The following ITIH6 variants were observed in gnomAD, a reference collection of about 807,000 sequenced individuals.
ITIH6 encodes inter-alpha-trypsin inhibitor heavy chain family member 6, also known as inter-alpha-trypsin inhibitor heavy chain H6.
ITIH6 carries 60 observed loss-of-function variants against 58.2 expected under a neutral mutation model. The ratio of observed to expected loss-of-function variants is 1.03; its 90% CI spans 0.84 to 1.28. The LOEUF (loss-of-function observed/expected upper bound fraction) is 1.28, where lower values mean the gene tolerates loss of function less well. Ranked by LOEUF, ITIH6 falls within the 50% of genes most tolerant of loss-of-function variation. The pLI, the probability that ITIH6 is intolerant of heterozygous loss-of-function variation, is 0.00. For synonymous variants in ITIH6, 493 were observed against 417.4 expected (o/e 1.18, Z -2.21); for missense variants, 1,290 against 1,021.1 (o/e 1.26, Z -3.59).
At chrX:54,754,658 C>T (rs1928450045) in intron 9 of ITIH6, among the ~76,000 whole-genome samples, 1 of 111,317 alleles carries the variant, frequency 9.0e-6, no homozygotes, top group Non-Finnish European at 1.9e-5. Context: ...AGCGATCCTC[C>T]AGCCAACAGC....
intron 4 of ITIH6, 83 bp downstream of exon 4, chrX:54,790,754 T>G: frequency 8.8e-7 from 1 of 1,134,234 alleles, no homozygotes; most frequent in Non-Finnish European, 1.2e-6. Flanking sequence ...GAAGTGGCAC[T>G]AGAGGGAAAC....
chrX:54,792,186 C>A, intron 2 of ITIH6, 150 bp from the exon 3 acceptor site: 1 of 401,871 alleles, frequency 2.5e-6, no homozygotes. Context: ...CCAGTGTGAG[C>A]GGCAAGAAGA....
At chrX:54,771,877 G>A (rs1205903951) in intron 6 of ITIH6, among the ~76,000 whole-genome samples, 1 of 111,783 alleles carries the variant, frequency 8.9e-6, no homozygotes, top group African/African-American at 3.3e-5. Context: ...GGAGAAAAGG[G>A]AACGCTTATA....
In ITIH6 at chrX:54,751,181, C is replaced by T. The variant is rs755565017; in HGVS notation, c.3552G>A (p.Arg1184=). ...LSWDQPALLK[R]PQLELYVAAA... is the part of the protein sequence containing the mutation. ...CAGCCACATAGAGCTCCAGCTGGGGCCTCTTCAGCAGGGCAGGTTGGTCCC... is the reference window on the plus strand; with the variant it reads ...CAGCCACATAGAGCTCCAGCTGGGGTCTCTTCAGCAGGGCAGGTTGGTCCC... Residue 1184 remains arginine (R), a synonymous_variant, in exon 12 of 13, where the codon AGG becomes AGA. Coordinates refer to ENST00000218436, the MANE Select transcript of ITIH6 (RefSeq NM_198510.3). The T allele has an allele frequency of 5.4e-5, 65 of 1,209,971 alleles. No homozygotes were observed. Among genetic ancestry groups the T allele is most frequent in the Non-Finnish European group, 6.8e-5 (61 of 894,991 alleles).
At chrX:54,782,925 T>C (rs1222682917) in intron 5 of ITIH6, among the ~76,000 whole-genome samples, 1 of 112,111 alleles carries the variant, frequency 8.9e-6, no homozygotes, top group Non-Finnish European at 1.9e-5. Flanking sequence ...CTGATGAATA[T>C]GGATGTGCAT....
In ITIH6 at chrX:54,774,190, T is replaced by C. The variant is rs746117886; in HGVS notation, c.794A>G (p.Asp265Gly). ...EDIIGDVQIY[D>G]DYFIHYFAPR... Reference sequence around the variant, plus strand: ...GGCAAAGTAGTGAATGAAATAGTCATCGTAAATCTGGACCAAAAAAAAAAA... The same window carrying C: ...GGCAAAGTAGTGAATGAAATAGTCACCGTAAATCTGGACCAAAAAAAAAAA... The change falls in exon 6 of 13, where the codon GAT becomes GGT. Residue 265 changes from aspartate (D) to glycine (G), a missense_variant. Asp to Gly is a moderately conservative substitution (Grantham distance 94). Coordinates refer to ENST00000218436, the MANE Select transcript of ITIH6 (RefSeq NM_198510.3). 67 of 967,377 alleles carry C rather than the reference T, an allele frequency of 6.9e-5. 2 individuals are homozygous for C. The South Asian group carries it at 1.4e-3, about 20-fold the overall frequency. 79.7% of individuals were successfully genotyped at this position (967,377 alleles called of 1,213,427 possible).
At position 54,790,872 on chromosome X, in the gene ITIH6, A is replaced by C; in HGVS notation, c.581T>G (p.Leu194Arg). ...ATTGGTGCGCAGACGGCCGGTCCTCAGGGGTGGTATGTGCACATAGGAGAT... is the reference window on the plus strand; with the variant it reads ...ATTGGTGCGCAGACGGCCGGTCCTCCGGGGTGGTATGTGCACATAGGAGAT... ...TGISYVHIPP[L>R]RTGRLRTNAH... is the part of the protein sequence containing the mutation. The change falls in exon 4 of 13, where the codon CTG becomes CGG. Residue 194 changes from leucine to arginine, a missense_variant. By Grantham distance (102) the Leu-to-Arg change is moderately radical (BLOSUM62 -2). Transcript: ENST00000218436. 1 of 1,212,141 alleles carries C rather than the reference A, an allele frequency of 8.2e-7. No individual in the cohort carries two copies. Among genetic ancestry groups the C allele is most frequent in the Middle Eastern group, 2.3e-4 (1 of 4,354 alleles).
Position 54,774,073 on chromosome X carries a change from CTTG to C in ITIH6, c.903+5_903+7del, listed in dbSNP as rs1438852670. The C allele has an allele frequency of 9.2e-7, 1 of 1,089,315 alleles. No individual in the cohort carries two copies. The highest frequency in any genetic ancestry group is 1.2e-6 in the Non-Finnish European group (1 of 800,626). 89.8% of individuals were successfully genotyped at this position (1,089,315 alleles called of 1,213,427 possible). ...AGGACTAAGAAAGGTTTCCAGGATC[CTTG>C]TTACCTGTTCCATCTTGGTACCAAA... On this transcript the variant is annotated splice_donor_5th_base_variant and intron_variant, in intron 6 of 12. Transcript: ENST00000218436.
chrX:54,768,786 A>C (rs1261938116), intron 6 of ITIH6, among the ~76,000 whole-genome samples: 2 of 101,850 alleles, frequency 2.0e-5, no homozygotes, highest in African/African-American at 7.9e-5. Context: ...GGGTAACCCG[A>C]CCTTTCTCTC....
At position 54,781,486 on chromosome X, in the gene ITIH6, A is replaced by T. The variant is rs762288700; in HGVS notation, c.786+6994T>A. Among the ~76,000 whole-genome samples, 152 of 112,664 alleles carry T rather than the reference A, an allele frequency of 1.3e-3. 2 individuals carry two copies. Among genetic ancestry groups the T allele is most frequent in the African/African-American group, 4.3e-3 (135 of 31,039 alleles). ...CTAACAACCATATGAAAAAAAGCTC[A>T]ACATCGTTGATCATTAGAGAAACAC... On this transcript the variant is annotated intron_variant, in intron 5 of 12. Transcript: ENST00000218436.
chrX:54,770,300 C>T (rs763940619), intron 6 of ITIH6, among the ~76,000 whole-genome samples: 1 of 112,557 alleles, frequency 8.9e-6, no homozygotes, highest in Non-Finnish European at 1.9e-5. Context: ...GTGAGATGAA[C>T]CCGGTACCTC....
chrX:54,792,866 C>T (rs767534365), intron 2 of ITIH6, among the ~76,000 whole-genome samples: 2 of 112,032 alleles, frequency 1.8e-5, no homozygotes, highest in East Asian at 5.6e-4. Context: ...AAATAATCCT[C>T]ACTGGCCATG....
intron 6 of ITIH6, among the ~76,000 whole-genome samples, chrX:54,770,342 C>A (rs778677918): frequency 8.9e-6 from 1 of 112,711 alleles, no homozygotes; most frequent in East Asian, 2.8e-4. Flanking sequence ...CCGTCTTATG[C>A]GTCGCTCACG....
intron 4 of ITIH6, among the ~76,000 whole-genome samples, chrX:54,790,514 A>T (rs184512641): frequency 1.7e-4 from 19 of 111,800 alleles, no homozygotes; most frequent in Admixed American, 1.7e-3. Flanking sequence ...TGGCTTCTAC[A>T]GCCTTCAACA....
chrX:54,754,995 G>A (rs1928456933), intron 9 of ITIH6, 22 bp downstream of exon 9: 3 of 1,145,672 alleles, frequency 2.6e-6, no homozygotes, highest in South Asian at 1.8e-5. Flanking sequence ...GGGGATCTTT[G>A]TCAGGAGAGC....
chrX:54,788,453 T>C, intron 5 of ITIH6, 27 bp downstream of exon 5: 1 of 1,190,146 alleles, frequency 8.4e-7, no homozygotes, highest in Non-Finnish European at 1.1e-6. Context: ...GAGCCCATCC[T>C]CTCTCCTCTT....
chrX:54,750,907 C>T, intron 12 of ITIH6, 96 bp downstream of exon 12: 1 of 915,828 alleles, frequency 1.1e-6, no homozygotes, highest in South Asian at 2.6e-5. Flanking sequence ...GTTGCTGATT[C>T]CTCTTCCTTG....
chrX:54,797,016 A>T lies in ITIH6; in HGVS notation c.183T>A (p.Asn61Lys), dbSNP rs987107088. Residue 61 changes from asparagine to lysine, a missense_variant, in exon 2 of 13, where the codon AAT (asparagine) becomes AAA (lysine). Transcript: ENST00000218436. ...TGGCTTCATGGGCTTCAGCATGTGG[A>T]TTAAACAGGACAGAGGTGACCAAGG... ...AHTLVTSVLFNPHAEAHEAIF... is the reference protein window; with the variant it reads ...AHTLVTSVLFKPHAEAHEAIF... The T allele has an allele frequency of 1.7e-6, 2 of 1,210,929 alleles. No individual in the cohort carries two copies. Among genetic ancestry groups the T allele is most frequent in the Non-Finnish European group, 2.2e-6 (2 of 894,593 alleles).
At chrX:54,763,956 G>A (rs1183793932) in intron 6 of ITIH6, among the ~76,000 whole-genome samples, 1 of 112,142 alleles carries the variant, frequency 8.9e-6, no homozygotes, top group Non-Finnish European at 1.9e-5. Context: ...ATTTATTGCT[G>A]AAAATTTCCT....
Sources: allele counts gnomAD v4.1 joint callset (sites outside exome capture counted in the v4.1 genomes callset), GRCh38; gene constraint gnomAD v4.1.1; transcripts MANE v1.5; gene names NCBI Gene and HGNC (gene_info 2026-07-23, HGNC 2026-07-21).